Variants in ICE2 observed in about 807,000 individuals in gnomAD.
The protein encoded by ICE2 is interactor of little elongation complex ELL subunit 2.
In ICE2, 87 loss-of-function variants were observed where a neutral mutation model predicts 105.4. The ratio of observed to expected loss-of-function variants is 0.83; its 90% confidence interval spans 0.69 to 0.99. The LOEUF (loss-of-function observed/expected upper bound fraction) is 0.99, where lower values mean the gene tolerates loss of function less well. Ranked by LOEUF, ICE2 falls within the 50% of genes least tolerant of loss-of-function variation. The pLI is 0.00. For missense variants in ICE2, 1,323 were observed against 1,146.7 expected, an observed-to-expected ratio of 1.15 and a Z score of -2.22; for synonymous variants, 399 against 392.0, an observed-to-expected ratio of 1.02 and a Z score of -0.21.
chr15:60,440,098 T>C (rs1187274974), intron 12 of ICE2: 1 of 152,248 alleles, frequency 6.6e-6, no homozygotes, highest in Non-Finnish European at 1.5e-5. Context: ...CTCTGCTTTC[T>C]GTGCATGAAC....
chr15:60,431,440 T>C (rs996998642), intron 14 of ICE2, among the ~76,000 whole-genome samples: 1 of 151,990 alleles, frequency 6.6e-6, no homozygotes, highest in African/African-American at 2.4e-5. Context: ...GAGAAGGCAA[T>C]GTGATGCGAC....
intron 5 of ICE2, among the ~76,000 whole-genome samples, chr15:60,459,069 G>A (rs1026009847): frequency 4.6e-5 from 7 of 152,108 alleles, no homozygotes; most frequent in African/African-American, 1.7e-4. Flanking sequence ...TGTATTTAAC[G>A]TTATTGAACT....
In ICE2 at chr15:60,477,403, G is replaced by C. The variant is rs142577588; in HGVS notation, c.41+534C>G. Among the ~76,000 whole-genome samples the C allele has an allele frequency of 8.8e-3, 1,335 of 152,172 alleles. 10 individuals are homozygous for C. The highest frequency in any genetic ancestry group is 0.015 in the Non-Finnish European group (1,023 of 67,994). Reference sequence around the variant, plus strand: ...CATTTATAACATTTGATCCTCCTTGGCTGGCTTAGTAAATGTGTGTTAAAA... The same window carrying C: ...CATTTATAACATTTGATCCTCCTTGCCTGGCTTAGTAAATGTGTGTTAAAA... On this transcript the variant is annotated intron_variant, in intron 2 of 15. Coordinates refer to ENST00000261520, the MANE Select transcript of ICE2 (RefSeq NM_024611.6).
intron 12 of ICE2, among the ~76,000 whole-genome samples, chr15:60,437,249 C>T (rs139997854): frequency 6.6e-6 from 1 of 151,344 alleles, no homozygotes; most frequent in Non-Finnish European, 1.5e-5. Context: ...AGTAAGACTC[C>T]GTCTCAAAAA....
chr15:60,434,545 ACACACACACACACACACACAC>A (rs2141010962), intron 13 of ICE2, among the ~76,000 whole-genome samples: 1 of 151,422 alleles, frequency 6.6e-6, no homozygotes, highest in East Asian at 1.9e-4. Flanking sequence ...ACACACACAC[ACACACACACACACACACACAC>A]AATGGAATAT....
intron 12 of ICE2, chr15:60,437,706 C>A (rs541414757): frequency 6.6e-6 from 1 of 151,964 alleles, no homozygotes. Flanking sequence ...GGCTGGAGTG[C>A]AGCAGCGAGA....
At chr15:60,466,046 C>T (rs903679411) in intron 5 of ICE2, among the ~76,000 whole-genome samples, 6 of 152,144 alleles carry the variant, frequency 3.9e-5, no homozygotes, top group African/African-American at 1.4e-4. Context: ...GCCACCACGC[C>T]TGGCCTGTTT....
intron 13 of ICE2, 92 bp downstream of exon 13, chr15:60,436,051 G>C: frequency 3.7e-6 from 2 of 535,274 alleles, no homozygotes; most frequent in Non-Finnish European, 3.3e-6. Flanking sequence ...TAAAAGTCTT[G>C]AAAATAATTT....
At chr15:60,430,711 A>C (rs188009510) in intron 14 of ICE2, among the ~76,000 whole-genome samples, 99 of 152,340 alleles carry the variant, frequency 6.5e-4, no homozygotes, top group African/African-American at 2.2e-3. Flanking sequence ...TCAGAACTAG[A>C]GCTTTGAGAT....
intron 14 of ICE2, among the ~76,000 whole-genome samples, chr15:60,430,502 GATA>G (rs1273374258): frequency 6.6e-6 from 1 of 152,042 alleles, no homozygotes; most frequent in East Asian, 1.9e-4. Context: ...ATAAAATATT[GATA>G]ATAAAATTTC....
chr15:60,449,543 T>C lies in ICE2; in HGVS notation c.1424A>G (p.Asp475Gly). 1 of 1,614,160 alleles carries C rather than the reference T, an allele frequency of 6.2e-7. No homozygotes were observed. Among genetic ancestry groups the C allele is most frequent in the Non-Finnish European group, 8.5e-7 (1 of 1,179,986 alleles). ...QKEKQLVTGMDGGPEECKNKD... is the reference protein window; with the variant it reads ...QKEKQLVTGMGGGPEECKNKD... ...ATTTTTGCATTCCTCAGGGCCACCATCCATACCAGTGACCAGCTGTTTCTC... is the reference window on the plus strand; with the variant it reads ...ATTTTTGCATTCCTCAGGGCCACCACCCATACCAGTGACCAGCTGTTTCTC... Residue 475 changes from aspartate to glycine, a missense_variant, in exon 10 of 16, where the codon GAT becomes GGT. Transcript: ENST00000261520.
intron 14 of ICE2, among the ~76,000 whole-genome samples, chr15:60,430,567 C>G (rs1047326601): frequency 5.9e-5 from 9 of 151,998 alleles, no homozygotes; most frequent in African/African-American, 1.9e-4. Context: ...GCATGAAGAA[C>G]AGAATATATA....
chr15:60,462,225 G>A (rs1313869419), intron 5 of ICE2, among the ~76,000 whole-genome samples: 1 of 152,154 alleles, frequency 6.6e-6, no homozygotes, highest in Non-Finnish European at 1.5e-5. Flanking sequence ...TATTACAACT[G>A]TGCAAACCAC....
chr15:60,424,784 G>A lies in ICE2; in HGVS notation c.2821-1022C>T, dbSNP rs139028750. ...GCCTCCCACAGTGCTGGGATTATGG[G>A]CATGAGCCACCGCGCCCAGCCAAGG... On this transcript the variant is annotated intron_variant, in intron 15 of 15. Transcript: ENST00000261520. Among the ~76,000 whole-genome samples the A allele has an allele frequency of 5.1e-3, 774 of 152,302 alleles. 13 individuals are homozygous for A. Among genetic ancestry groups the A allele is most frequent in the African/African-American group, 0.018 (754 of 41,566 alleles).
chr15:60,472,849 T>A (rs1022502492), intron 3 of ICE2, among the ~76,000 whole-genome samples: 1 of 152,076 alleles, frequency 6.6e-6, no homozygotes, highest in South Asian at 2.1e-4. Flanking sequence ...TGAGAAGCAG[T>A]GGCAAGATGA....
At chr15:60,445,468 C>G in intron 11 of ICE2, 5 of 601,220 alleles carry the variant, frequency 8.3e-6, no homozygotes, top group Non-Finnish European at 1.0e-5. Context: ...GAGATTTAAA[C>G]CATAAACTAC....
intron 5 of ICE2, among the ~76,000 whole-genome samples, chr15:60,458,463 C>T (rs1411959727): frequency 6.6e-6 from 1 of 151,904 alleles, no homozygotes; most frequent in African/African-American, 2.4e-5. Context: ...GGAAAATATG[C>T]AAAAACCATA....
Position 60,449,839 on chromosome 15 carries a change from C to T in ICE2, c.1128G>A (p.Met376Ile). The change falls in exon 10 of 16, where the codon ATG (methionine) becomes ATA (isoleucine). Residue 376 changes from methionine to isoleucine, a missense_variant and splice_region_variant. Coordinates refer to ENST00000261520, the MANE Select transcript of ICE2 (RefSeq NM_024611.6). ...KPEEFISEMD[M>I]SCEVNECRKI... ...TTCGGCACTCGTTGACTTCACAGGA[C>T]ATCTTATGTAAATAAATTGGTAAAG... 1 of 1,602,394 alleles carries T rather than the reference C, an allele frequency of 6.2e-7. No individual in the cohort carries two copies. Among genetic ancestry groups the T allele is most frequent in the South Asian group, 1.1e-5 (1 of 89,056 alleles).
At chr15:60,473,602 T>C (rs567356013) in intron 3 of ICE2, among the ~76,000 whole-genome samples, 10 of 152,016 alleles carry the variant, frequency 6.6e-5, no homozygotes, top group African/African-American at 2.4e-4. Flanking sequence ...CCTGAGATGA[T>C]TCTTTTTTTA....
Sources: allele counts gnomAD v4.1 joint callset (sites outside exome capture counted in the v4.1 genomes callset), GRCh38; gene constraint gnomAD v4.1.1; transcripts MANE v1.5; gene names NCBI Gene and HGNC (gene_info 2026-07-23, HGNC 2026-07-21).